ZNF385B: variants seen among roughly 807,000 people sequenced by gnomAD.
ZNF385B encodes zinc finger protein 385B, also known as zinc finger protein 533.
ZNF385B carries 23 observed loss-of-function variants against 39.2 expected under a neutral mutation model. The ratio of observed to expected loss-of-function variants is 0.59; its 90% CI spans 0.42 to 0.83. The LOEUF is 0.83. Ranked by LOEUF, ZNF385B falls within the 40% of genes least tolerant of loss-of-function variation. The pLI, the probability that ZNF385B is intolerant of heterozygous loss-of-function variation, is 0.00. For synonymous variants in ZNF385B, 205 were observed against 222.6 expected, an observed-to-expected ratio of 0.92 and a Z score of 0.70; for missense variants, 552 against 598.9, an observed-to-expected ratio of 0.92 and a Z score of 0.82.
intron 3 of ZNF385B, among the ~76,000 whole-genome samples, chr2:179,563,454 C>T (rs911329568): frequency 2.6e-5 from 4 of 152,150 alleles, no homozygotes; most frequent in Non-Finnish European, 4.4e-5. Context: ...CAACTTAGCA[C>T]ATTTACTAAC....
intron 3 of ZNF385B, among the ~76,000 whole-genome samples, chr2:179,752,386 A>T (rs2106471115): frequency 6.6e-6 from 1 of 152,338 alleles, no homozygotes; most frequent in East Asian, 1.9e-4. Context: ...ATAGTGCCAC[A>T]ATAAACATAT....
intron 3 of ZNF385B, among the ~76,000 whole-genome samples, chr2:179,615,185 A>G (rs1304292981): frequency 6.6e-6 from 1 of 152,218 alleles, no homozygotes; most frequent in Non-Finnish European, 1.5e-5. Context: ...AAGGGATGAT[A>G]TTAATCATGC....
At chr2:179,788,795 C>T (rs1490308642) in intron 1 of ZNF385B, among the ~76,000 whole-genome samples, 1 of 152,130 alleles carries the variant, frequency 6.6e-6, no homozygotes, top group Non-Finnish European at 1.5e-5. Flanking sequence ...GCATGACCCA[C>T]TCTCCAGGCT....
chr2:179,563,376 T>C (rs1240617193), intron 3 of ZNF385B, among the ~76,000 whole-genome samples: 4 of 152,186 alleles, frequency 2.6e-5, no homozygotes, highest in African/African-American at 7.2e-5. Context: ...GGCATTTGAA[T>C]GAATAAAAGA....
At chr2:179,760,595 A>G (rs531688379) in intron 3 of ZNF385B, among the ~76,000 whole-genome samples, 63 of 152,246 alleles carry the variant, frequency 4.1e-4, no homozygotes, top group Non-Finnish European at 7.8e-4. Flanking sequence ...TGCATGTCAA[A>G]TCCTTGGAAC....
intron 1 of ZNF385B, among the ~76,000 whole-genome samples, chr2:179,819,420 C>T (rs980415695): frequency 1.3e-5 from 2 of 152,166 alleles, no homozygotes; most frequent in Non-Finnish European, 2.9e-5. Context: ...CTATCACCCA[C>T]AGACCCTAGC....
At chr2:179,672,030 G>A (rs1559067892) in intron 3 of ZNF385B, among the ~76,000 whole-genome samples, 1 of 152,230 alleles carries the variant, frequency 6.6e-6, no homozygotes, top group Admixed American at 6.5e-5. Flanking sequence ...TGAGAGCTGT[G>A]ACATGGGCTA....
intron 6 of ZNF385B, among the ~76,000 whole-genome samples, chr2:179,451,944 A>G (rs1404854362): frequency 2.0e-5 from 3 of 152,136 alleles, no homozygotes; most frequent in African/African-American, 4.8e-5. Context: ...ATAAAGATGC[A>G]TGTCATCTGG....
intron 5 of ZNF385B, among the ~76,000 whole-genome samples, chr2:179,508,147 C>T (rs2057392583): frequency 6.6e-6 from 1 of 152,074 alleles, no homozygotes; most frequent in African/African-American, 2.4e-5. Flanking sequence ...AAACTATAGC[C>T]AAATGCCTGC....
chr2:179,781,756 C>T (rs1308675047), intron 1 of ZNF385B, among the ~76,000 whole-genome samples: 1 of 152,082 alleles, frequency 6.6e-6, no homozygotes. Flanking sequence ...CACATTCATC[C>T]TGCCAAGACT....
At chr2:179,686,813 A>C (rs1697957372) in intron 3 of ZNF385B, among the ~76,000 whole-genome samples, 1 of 152,154 alleles carries the variant, frequency 6.6e-6, no homozygotes, top group Non-Finnish European at 1.5e-5. Flanking sequence ...CAACTAAAAA[A>C]ATTGAAATTT....
intron 3 of ZNF385B, among the ~76,000 whole-genome samples, chr2:179,753,993 G>A (rs989626156): frequency 6.6e-6 from 1 of 152,134 alleles, no homozygotes; most frequent in Non-Finnish European, 1.5e-5. Flanking sequence ...GTGAGAGAGG[G>A]CATCCCTGTC....
intron 3 of ZNF385B, among the ~76,000 whole-genome samples, chr2:179,609,631 T>C (rs1286841426): frequency 6.6e-6 from 1 of 152,220 alleles, no homozygotes; most frequent in Non-Finnish European, 1.5e-5. Context: ...GCTCTATTTT[T>C]AGTTTTTTGA....
intron 3 of ZNF385B, among the ~76,000 whole-genome samples, chr2:179,752,447 C>A (rs1268213959): frequency 6.6e-6 from 1 of 152,190 alleles, no homozygotes; most frequent in East Asian, 1.9e-4. Context: ...TGGGTATATA[C>A]CCAGTAATGG....
intron 1 of ZNF385B, among the ~76,000 whole-genome samples, chr2:179,836,164 T>C (rs1054066986): frequency 6.6e-6 from 1 of 152,220 alleles, no homozygotes; most frequent in Non-Finnish European, 1.5e-5. Context: ...TTCATAAAGT[T>C]GTTTTCCATA....
At chr2:179,757,667 G>T (rs138127247) in intron 3 of ZNF385B, among the ~76,000 whole-genome samples, 4,637 of 152,224 alleles carry the variant, frequency 0.03, 94 homozygotes, top group Middle Eastern at 0.085. Context: ...ATTGGAAGGC[G>T]CCCCTCCCCC....
At chr2:179,737,586 A>T (rs1049184366) in intron 3 of ZNF385B, among the ~76,000 whole-genome samples, 2 of 152,204 alleles carry the variant, frequency 1.3e-5, no homozygotes, top group Admixed American at 1.3e-4. Flanking sequence ...GAATCTAAAA[A>T]TAACAACAGC....
intron 3 of ZNF385B, among the ~76,000 whole-genome samples, chr2:179,732,962 C>T (rs2106432281): frequency 6.6e-6 from 1 of 152,186 alleles, no homozygotes; most frequent in South Asian, 2.1e-4. Flanking sequence ...ATTTTCATTT[C>T]CAACACAAAG....
intron 1 of ZNF385B, among the ~76,000 whole-genome samples, chr2:179,810,524 ATAATT>A (rs919226214): frequency 1.1e-4 from 17 of 152,008 alleles, no homozygotes; most frequent in Non-Finnish European, 1.8e-4. Flanking sequence ...TAGTTGCCTT[ATAATT>A]TAAAGTTTTT....
Sources: gnomAD v4.1 joint callset for allele counts (sites outside exome capture counted in the v4.1 genomes callset) on GRCh38, gnomAD v4.1.1 for gene constraint, MANE v1.5 for transcripts, NCBI Gene and HGNC (gene_info 2026-07-23, HGNC 2026-07-21) for gene names.